The following GRM7 variants were observed in gnomAD, a reference collection of about 807,000 sequenced individuals.
The protein encoded by GRM7 is glutamate metabotropic receptor 7, also known as metabotropic glutamate receptor 7.
In GRM7, 35 loss-of-function variants were observed where a neutral mutation model predicts 84.5. The ratio of observed to expected loss-of-function variants is 0.41; its 90% CI spans 0.32 to 0.55. The LOEUF (loss-of-function observed/expected upper bound fraction) is 0.55. Ranked by LOEUF, GRM7 falls within the 20% of genes least tolerant of loss-of-function variation. The pLI is 0.19. For synonymous variants in GRM7, 487 were observed against 455.1 expected (o/e 1.07, Z -0.89); for missense variants, 1,003 against 1,194.6 (o/e 0.84, Z 2.36).
intron 8 of GRM7, among the ~76,000 whole-genome samples, chr3:7,623,317 T>C (rs1250595462): frequency 2.0e-5 from 3 of 152,202 alleles, no homozygotes; most frequent in Non-Finnish European, 4.4e-5. Context: ...CTGGTCCTCA[T>C]AAGTAGTTTC....
intron 7 of GRM7, among the ~76,000 whole-genome samples, chr3:7,553,352 A>G (rs990576079): frequency 6.6e-5 from 10 of 152,136 alleles, no homozygotes; most frequent in South Asian, 2.1e-4. Flanking sequence ...ACATTTTCCT[A>G]TCTTCTCCTG....
At chr3:6,892,179 G>A (rs73124755) in intron 1 of GRM7, among the ~76,000 whole-genome samples, 12,294 of 152,088 alleles carry the variant, frequency 0.081, 748 homozygotes, top group East Asian at 0.19. Flanking sequence ...CTGGAAGACA[G>A]TCAGATGACC....
intron 4 of GRM7, among the ~76,000 whole-genome samples, chr3:7,322,433 G>GTT (rs563098674): frequency 6.6e-6 from 1 of 150,784 alleles, no homozygotes; most frequent in South Asian, 2.1e-4. Context: ...TGGGGAACAG[G>GTT]TTTTTTTTTG....
chr3:7,314,778 C>G (rs995005069), intron 4 of GRM7, among the ~76,000 whole-genome samples: 2 of 151,970 alleles, frequency 1.3e-5, no homozygotes, highest in Non-Finnish European at 2.9e-5. Flanking sequence ...TGGACAGTTT[C>G]TGTCCATTTT....
At chr3:7,567,971 A>G (rs1189139434) in intron 7 of GRM7, among the ~76,000 whole-genome samples, 1 of 152,046 alleles carries the variant, frequency 6.6e-6, no homozygotes, top group Non-Finnish European at 1.5e-5. Context: ...GTTTATGAAA[A>G]CAACTCAGGA....
chr3:7,472,979 T>A (rs1368754038), intron 7 of GRM7, among the ~76,000 whole-genome samples: 1 of 152,162 alleles, frequency 6.6e-6, no homozygotes, highest in Non-Finnish European at 1.5e-5. Flanking sequence ...AAACATAAGG[T>A]GACCACATGA....
intron 4 of GRM7, among the ~76,000 whole-genome samples, chr3:7,326,613 C>T (rs1237638534): frequency 5.3e-5 from 8 of 151,864 alleles, no homozygotes; most frequent in Admixed American, 2.6e-4. Flanking sequence ...TTTTGGGGGC[C>T]GAGGCGGGTG....
At chr3:7,339,408 C>T (rs1202298921) in intron 4 of GRM7, among the ~76,000 whole-genome samples, 1 of 152,128 alleles carries the variant, frequency 6.6e-6, no homozygotes, top group Non-Finnish European at 1.5e-5. Context: ...AGGGTTCAAA[C>T]TTTCCGTTGC....
intron 8 of GRM7, among the ~76,000 whole-genome samples, chr3:7,652,330 G>T (rs1254216374): frequency 6.6e-6 from 1 of 152,188 alleles, no homozygotes; most frequent in Non-Finnish European, 1.5e-5. Context: ...GGACTGGTTA[G>T]GGGAGAAGGG....
At chr3:7,369,479 C>T (rs1694045533) in intron 4 of GRM7, among the ~76,000 whole-genome samples, 1 of 151,688 alleles carries the variant, frequency 6.6e-6, no homozygotes. Context: ...ATAACTTTGC[C>T]AAATGGACAC....
chr3:7,046,445 A>T (rs1478255398), intron 1 of GRM7, among the ~76,000 whole-genome samples: 1 of 152,126 alleles, frequency 6.6e-6, no homozygotes, highest in Non-Finnish European at 1.5e-5. Flanking sequence ...AGTTGTTAGC[A>T]CTTTGCTTGC....
At chr3:7,392,654 T>C (rs1417754468) in intron 4 of GRM7, among the ~76,000 whole-genome samples, 1 of 152,180 alleles carries the variant, frequency 6.6e-6, no homozygotes, top group Non-Finnish European at 1.5e-5. Flanking sequence ...GTCCTAGATA[T>C]GTGTAGAAGA....
At chr3:7,116,441 G>C (rs1389476736) in intron 1 of GRM7, among the ~76,000 whole-genome samples, 1 of 152,146 alleles carries the variant, frequency 6.6e-6, no homozygotes, top group Non-Finnish European at 1.5e-5. Flanking sequence ...TGGCTGATCA[G>C]TGGGAAAGTC....
intron 9 of GRM7, among the ~76,000 whole-genome samples, chr3:7,734,082 A>C (rs1575682378): frequency 2.6e-5 from 4 of 152,314 alleles, no homozygotes; most frequent in Admixed American, 6.5e-5. Context: ...TGGGGCAAAC[A>C]CTTCACACAT....
chr3:7,002,125 G>A (rs570622607), intron 1 of GRM7, among the ~76,000 whole-genome samples: 6 of 152,180 alleles, frequency 3.9e-5, no homozygotes, highest in Non-Finnish European at 7.4e-5. Context: ...AATTTGGGAA[G>A]TAGGAAAGAG....
In GRM7 at chr3:7,279,070, T is replaced by C. The variant is rs1427273884; in HGVS notation, c.737-19614T>C. 1.1e-4 allele frequency among the ~76,000 whole-genome samples: 17 copies of C among 152,282 alleles called. No homozygotes were observed. The East Asian group carries it at 2.3e-3, about 21-fold the overall frequency. ...TATTGAATAAAATATAAGATAATGCTTTAGTTTTTCAACATAGATAAGAAA... is the reference window on the plus strand; with the variant it reads ...TATTGAATAAAATATAAGATAATGCCTTAGTTTTTCAACATAGATAAGAAA... On this transcript the variant is annotated intron_variant, in intron 2 of 9. Coordinates refer to ENST00000357716, the MANE Select transcript of GRM7 (RefSeq NM_000844.4).
At chr3:7,291,272 G>C (rs1284069421) in intron 2 of GRM7, among the ~76,000 whole-genome samples, 1 of 152,026 alleles carries the variant, frequency 6.6e-6, no homozygotes, top group African/African-American at 2.4e-5. Context: ...GACACGAAAA[G>C]GTGTTTCATT....
chr3:7,699,064 A>G (rs1701124829), intron 9 of GRM7, among the ~76,000 whole-genome samples: 1 of 152,180 alleles, frequency 6.6e-6, no homozygotes, highest in African/African-American at 2.4e-5. Flanking sequence ...ATAAAAATCT[A>G]TGCTCAAAAA....
intron 1 of GRM7, among the ~76,000 whole-genome samples, chr3:7,003,759 A>G (rs1695090243): frequency 6.6e-6 from 1 of 152,244 alleles, no homozygotes. Flanking sequence ...ACTCCTATGT[A>G]TGAAGTTCCC....
Sources: gnomAD v4.1 joint callset for allele counts (sites outside exome capture counted in the v4.1 genomes callset) on GRCh38, gnomAD v4.1.1 for gene constraint, MANE v1.5 for transcripts, NCBI Gene and HGNC (gene_info 2026-07-23, HGNC 2026-07-21) for gene names.